Variants in ADAMTS17 observed in about 807,000 individuals in gnomAD.
ADAMTS17 encodes the protein ADAM metallopeptidase with thrombospondin type 1 motif 17.
Under a neutral mutation model 141.5 loss-of-function variants are expected in ADAMTS17, and 113 were observed. That is an observed-to-expected ratio of 0.80 (90% CI 0.69 to 0.93). The LOEUF is 0.93. ADAMTS17 is among the 40% of genes least tolerant of loss of function. The probability of loss-of-function intolerance (pLI) is 0.00; values close to 1 mark genes in which losing one functional copy is unlikely to be tolerated. For synonymous variants in ADAMTS17, 768 were observed against 630.6 expected (o/e 1.22, Z -3.27); for missense variants, 1,659 against 1,517.9 (o/e 1.09, Z -1.54).
chr15:100,320,854 A>G (rs903657958), intron 3 of ADAMTS17, among the ~76,000 whole-genome samples: 1 of 152,202 alleles, frequency 6.6e-6, no homozygotes, highest in Non-Finnish European at 1.5e-5. Context: ...AAAAGAGTAA[A>G]GGTAAAATAA....
intron 3 of ADAMTS17, among the ~76,000 whole-genome samples, chr15:100,307,723 A>G (rs1355738450): frequency 2.0e-5 from 3 of 152,198 alleles, no homozygotes; most frequent in Non-Finnish European, 4.4e-5. Flanking sequence ...AGCCGATGTC[A>G]CGTGCCGCGT....
At chr15:100,332,440 AC>A (rs1244873293) in intron 2 of ADAMTS17, among the ~76,000 whole-genome samples, 3 of 151,940 alleles carry the variant, frequency 2.0e-5, no homozygotes, top group East Asian at 1.9e-4. Flanking sequence ...GCGTGGGAGG[AC>A]CCCCCACCTG....
intron 3 of ADAMTS17, among the ~76,000 whole-genome samples, chr15:100,310,068 A>G (rs1413048660): frequency 6.6e-6 from 1 of 152,258 alleles, no homozygotes; most frequent in South Asian, 2.1e-4. Flanking sequence ...ATGCATATTT[A>G]TACTAAGGCA....
chr15:100,322,003 T>A (rs1379583837), intron 3 of ADAMTS17, among the ~76,000 whole-genome samples: 1 of 152,138 alleles, frequency 6.6e-6, no homozygotes, highest in East Asian at 1.9e-4. Flanking sequence ...ATCAATGACA[T>A]ACGGAATTCA....
intron 7 of ADAMTS17, among the ~76,000 whole-genome samples, chr15:100,244,200 C>G (rs1418113815): frequency 6.6e-6 from 1 of 151,816 alleles, no homozygotes; most frequent in Non-Finnish European, 1.5e-5. Context: ...CAGAACAGCA[C>G]AGGAAAGACC....
intron 2 of ADAMTS17, 58 bp downstream of exon 2, chr15:100,340,981 G>A (rs1473135446): frequency 2.7e-6 from 4 of 1,470,998 alleles, no homozygotes; most frequent in Admixed American, 2.0e-5. Context: ...CCTCCACGGC[G>A]ACCACTCTGC....
chr15:100,319,448 C>T (rs553547436), intron 3 of ADAMTS17, among the ~76,000 whole-genome samples: 14 of 152,318 alleles, frequency 9.2e-5, no homozygotes, highest in Admixed American at 2.0e-4. Context: ...CAGTGGCTCA[C>T]GCCTGTAATC....
intron 15 of ADAMTS17, among the ~76,000 whole-genome samples, chr15:100,057,306 T>C (rs1207922029): frequency 6.6e-6 from 1 of 152,076 alleles, no homozygotes; most frequent in African/African-American, 2.4e-5. Flanking sequence ...CATGCTGAGG[T>C]GCCCTGTACA....
rs867043812 is a variant in ADAMTS17 at position 100,068,865 on chromosome 15, C to T, written c.2138-14811G>A. 7.9e-5 allele frequency among the ~76,000 whole-genome samples: 12 copies of T among 152,340 alleles called. No individual in the cohort carries two copies. The Middle Eastern group carries it at 0.01, about 130-fold the overall frequency. ...GCACCTCTCCTCCTCCAAAGGAACG[C>T]AGCTCCTCACCAGCAAGGGAACAAA... On this transcript the variant is annotated intron_variant, in intron 15 of 21. Coordinates refer to ENST00000268070, the MANE Select transcript of ADAMTS17 (RefSeq NM_139057.4).
chr15:100,330,961 G>A lies in ADAMTS17; in HGVS notation c.544C>T (p.Arg182Cys), dbSNP rs377263842. ...PFSGREHLIR[R>C]KWSLTPSPSA... Reference sequence around the variant, plus strand: ...GGGCTGGGGGTCAAGGACCATTTGCGCCTGATCAGATGTTCTCGTCCACTG... The same window carrying A: ...GGGCTGGGGGTCAAGGACCATTTGCACCTGATCAGATGTTCTCGTCCACTG... Residue 182 changes from arginine to cysteine, a missense_variant, in exon 3 of 22, where the codon CGC becomes TGC. Coordinates refer to ENST00000268070, the MANE Select transcript of ADAMTS17 (RefSeq NM_139057.4). 402 of 1,613,984 alleles carry A rather than the reference G, an allele frequency of 2.5e-4. No individual in the cohort carries two copies. Among genetic ancestry groups the A allele is most frequent in the Non-Finnish European group, 3.3e-4 (390 of 1,180,026 alleles).
chr15:100,239,694 T>G (rs953532635), intron 7 of ADAMTS17, among the ~76,000 whole-genome samples: 3 of 152,130 alleles, frequency 2.0e-5, no homozygotes, highest in Non-Finnish European at 4.4e-5. Context: ...AGCTGCCTGG[T>G]GCTACTGGAG....
chr15:100,297,986 C>G (rs960761333), intron 3 of ADAMTS17, among the ~76,000 whole-genome samples: 6 of 151,800 alleles, frequency 4.0e-5, no homozygotes, highest in African/African-American at 1.4e-4. Context: ...GCAGAGTGCC[C>G]AGGAAGGAAG....
In ADAMTS17 at chr15:100,019,180, C is replaced by G. The variant is rs544372496; in HGVS notation, c.2592-21591G>C. On this transcript the variant is annotated intron_variant, in intron 18 of 21. Transcript: ENST00000268070. ...CCAGGGGCAAGACAGATGTACATAC[C>G]CTAAGAGACTATTTAAGACACAACA... 1.4e-3 allele frequency among the ~76,000 whole-genome samples: 220 copies of G among 152,238 alleles called. 2 individuals carry two copies. Among genetic ancestry groups the G allele is most frequent in the African/African-American group, 4.9e-3 (202 of 41,540 alleles).
At chr15:100,240,010 G>T (rs1288496059) in intron 7 of ADAMTS17, among the ~76,000 whole-genome samples, 1 of 152,180 alleles carries the variant, frequency 6.6e-6, no homozygotes, top group Non-Finnish European at 1.5e-5. Flanking sequence ...AAGCCAGAAT[G>T]TGCCCAACCC....
chr15:100,233,747 C>A (rs550819652), intron 7 of ADAMTS17, among the ~76,000 whole-genome samples: 1 of 151,910 alleles, frequency 6.6e-6, no homozygotes, highest in Non-Finnish European at 1.5e-5. Context: ...GGGAAGAGAG[C>A]GAGTTATGGA....
chr15:100,247,888 C>G (rs2043035144), intron 7 of ADAMTS17, among the ~76,000 whole-genome samples: 1 of 151,920 alleles, frequency 6.6e-6, no homozygotes, highest in Admixed American at 6.6e-5. Flanking sequence ...ATATCCCCCA[C>G]CCGCACTTCC....
chr15:100,058,418 CTTGT>C (rs1413573929), intron 15 of ADAMTS17, among the ~76,000 whole-genome samples: 3 of 150,120 alleles, frequency 2.0e-5, no homozygotes, highest in African/African-American at 7.3e-5. Flanking sequence ...CTCCACTGGC[CTTGT>C]TTATGTATTC....
intron 18 of ADAMTS17, among the ~76,000 whole-genome samples, chr15:99,998,290 C>T (rs1479577902): frequency 3.3e-5 from 5 of 152,112 alleles, no homozygotes; most frequent in Admixed American, 1.3e-4. Flanking sequence ...TTGAGGTTGG[C>T]GTCTGAAAGT....
intron 3 of ADAMTS17, among the ~76,000 whole-genome samples, chr15:100,322,319 G>A (rs12440085): frequency 0.069 from 10,425 of 152,166 alleles, 848 homozygotes; most frequent in East Asian, 0.24. Flanking sequence ...AGGGGAAGCC[G>A]AAAATTCTGT....
Sources: gnomAD v4.1 joint callset for allele counts (sites outside exome capture counted in the v4.1 genomes callset) on GRCh38, gnomAD v4.1.1 for gene constraint, MANE v1.5 for transcripts, NCBI Gene and HGNC (gene_info 2026-07-23, HGNC 2026-07-21) for gene names.